ERC2: variants seen among roughly 807,000 people sequenced by gnomAD.
ERC2 encodes the protein ERC protein 2.
Under a neutral mutation model 114.8 loss-of-function variants are expected in ERC2, and 42 were observed. The ratio of observed to expected loss-of-function variants is 0.37; its 90% CI spans 0.29 to 0.47. ERC2 has a LOEUF of 0.47. ERC2 is among the 20% of genes least tolerant of loss of function. The pLI, the probability that ERC2 is intolerant of heterozygous loss-of-function variation, is 0.99. For missense variants in ERC2, 939 were observed against 1,150.7 expected, an observed-to-expected ratio of 0.82 and a Z score of 2.66; for synonymous variants, 454 against 425.5, an observed-to-expected ratio of 1.07 and a Z score of -0.82.
intron 17 of ERC2, among the ~76,000 whole-genome samples, chr3:55,559,792 A>G (rs2055878190): frequency 6.6e-6 from 1 of 152,254 alleles, no homozygotes; most frequent in South Asian, 2.1e-4. Context: ...CCTTTCTAGC[A>G]AGGGCTTGAC....
chr3:56,227,413 T>TA (rs1274369510), intron 3 of ERC2, among the ~76,000 whole-genome samples: 2 of 119,914 alleles, frequency 1.7e-5, no homozygotes, highest in Admixed American at 1.6e-4. Flanking sequence ...CTCTCTGCTC[T>TA]TTTTTTTTTT....
intron 17 of ERC2, among the ~76,000 whole-genome samples, chr3:55,563,346 T>C (rs973940586): frequency 1.4e-5 from 2 of 147,478 alleles, no homozygotes; most frequent in Non-Finnish European, 3.0e-5. Context: ...TTTTTTTTTT[T>C]ACTTCAAGGA....
intron 17 of ERC2, among the ~76,000 whole-genome samples, chr3:55,670,626 C>T (rs1431760390): frequency 6.6e-6 from 1 of 152,164 alleles, no homozygotes; most frequent in African/African-American, 2.4e-5. Context: ...AGAGCTTTCC[C>T]TCTCTGTGTC....
At chr3:55,870,022 GA>G (rs543605610) in intron 14 of ERC2, among the ~76,000 whole-genome samples, 129 of 151,976 alleles carry the variant, frequency 8.5e-4, no homozygotes, top group Non-Finnish European at 1.5e-3. Flanking sequence ...AAATGTAAAA[GA>G]ACCAAAGAAC....
At chr3:55,880,509 A>C (rs1398279824) in intron 14 of ERC2, among the ~76,000 whole-genome samples, 1 of 152,156 alleles carries the variant, frequency 6.6e-6, no homozygotes, top group Non-Finnish European at 1.5e-5. Context: ...CCTGCAGCTA[A>C]AACCAAAATT....
At chr3:55,959,137 C>T (rs77570986) in intron 12 of ERC2, among the ~76,000 whole-genome samples, 170 of 152,340 alleles carry the variant, frequency 1.1e-3, no homozygotes, top group African/African-American at 4.0e-3. Flanking sequence ...CCCCACTTCA[C>T]TCACCATTGA....
Position 55,551,244 on chromosome 3 carries a change from T to C in ERC2, c.*40-39968A>G, listed in dbSNP as rs1430449898. ...AGATTTATCTCAGGAAATTGGCTGC[T>C]GGGCACGGTGGCTCATGCCTGTAAT... On this transcript the variant is annotated intron_variant, in intron 17 of 17. Coordinates refer to ENST00000288221, the MANE Select transcript of ERC2 (RefSeq NM_015576.3). Among the ~76,000 whole-genome samples, 9 of 151,868 alleles carry C rather than the reference T, an allele frequency of 5.9e-5. No individual in the cohort carries two copies. In the East Asian group the frequency reaches 1.8e-3, roughly 30 times the overall value.
intron 15 of ERC2, among the ~76,000 whole-genome samples, chr3:55,729,886 C>A (rs187060795): frequency 7.7e-6 from 1 of 130,048 alleles, no homozygotes; most frequent in East Asian, 2.4e-4. Flanking sequence ...CACAAGGAAG[C>A]GGTCTTTATG....
intron 17 of ERC2, among the ~76,000 whole-genome samples, chr3:55,513,410 G>C (rs961453423): frequency 6.6e-6 from 1 of 152,070 alleles, no homozygotes; most frequent in Non-Finnish European, 1.5e-5. Context: ...TCTCACAAGC[G>C]TGTCTCTCTA....
chr3:56,063,712 A>G (rs754143670), intron 7 of ERC2, among the ~76,000 whole-genome samples: 1 of 152,218 alleles, frequency 6.6e-6, no homozygotes, highest in African/African-American at 2.4e-5. Flanking sequence ...TAATAAACTA[A>G]TTATACTGAA....
intron 17 of ERC2, among the ~76,000 whole-genome samples, chr3:55,543,230 A>G (rs1044507574): frequency 6.6e-6 from 1 of 152,180 alleles, no homozygotes; most frequent in African/African-American, 2.4e-5. Flanking sequence ...CAGCAGCAAA[A>G]GGCTGTCCAC....
chr3:55,914,019 A>AT lies in ERC2; in HGVS notation c.2404-25471dup, dbSNP rs5849115. Among the ~76,000 whole-genome samples the AT allele has an allele frequency of 1.1e-4, 17 of 151,002 alleles. 1 individual carries two copies. The South Asian group carries it at 1.9e-3, about 17-fold the overall frequency. Reference sequence around the variant, plus strand: ...AAAATATTCTTGCCCCTTTATGACAATTTTTTTTTTTTTAAAGATAACACA... The same window carrying AT: ...AAAATATTCTTGCCCCTTTATGACAATTTTTTTTTTTTTTAAAGATAACACA... On this transcript the variant is annotated intron_variant, in intron 13 of 17. Transcript: ENST00000288221.
At chr3:55,946,434 G>A (rs1308025154) in intron 13 of ERC2, among the ~76,000 whole-genome samples, 2 of 152,066 alleles carry the variant, frequency 1.3e-5, no homozygotes, top group African/African-American at 2.4e-5. Context: ...TTACTCATCA[G>A]TGTAAAATAG....
chr3:56,408,500 C>T lies in ERC2; in HGVS notation c.657+25851G>A, dbSNP rs987025056. On this transcript the variant is annotated intron_variant, in intron 2 of 17. Coordinates refer to ENST00000288221, the MANE Select transcript of ERC2 (RefSeq NM_015576.3). The stretch of plus-strand genomic sequence containing the variant: ...CACACACACACACCCCATATACGCT[C>T]ACATCCCCCTTCCCTGACACACACA... Among the ~76,000 whole-genome samples the T allele has an allele frequency of 2.0e-5, 3 of 152,080 alleles. 1 individual carries two copies. The highest frequency in any genetic ancestry group is 1.3e-4 in the Admixed American group (2 of 15,266).
At chr3:56,025,658 G>A (rs1001472527) in intron 7 of ERC2, among the ~76,000 whole-genome samples, 4 of 152,076 alleles carry the variant, frequency 2.6e-5, no homozygotes, top group Admixed American at 6.5e-5. Flanking sequence ...GATTTACTGC[G>A]CTCATGTGAT....
At chr3:56,093,958 G>A (rs1185706244) in intron 6 of ERC2, among the ~76,000 whole-genome samples, 3 of 152,156 alleles carry the variant, frequency 2.0e-5, no homozygotes, top group African/African-American at 7.2e-5. Flanking sequence ...GAGCAGACTT[G>A]GGAAACATTG....
intron 17 of ERC2, among the ~76,000 whole-genome samples, chr3:55,564,524 G>T (rs2056238744): frequency 6.6e-6 from 1 of 152,150 alleles, no homozygotes; most frequent in Admixed American, 6.5e-5. Flanking sequence ...CAGGATTCTT[G>T]TGACAGAGAC....
At chr3:55,835,601 C>G (rs2060838489) in intron 14 of ERC2, among the ~76,000 whole-genome samples, 1 of 152,086 alleles carries the variant, frequency 6.6e-6, no homozygotes, top group African/African-American at 2.4e-5. Flanking sequence ...TGGGATGTAT[C>G]TCAAAATAAT....
chr3:55,891,192 G>C (rs572740705), intron 13 of ERC2, among the ~76,000 whole-genome samples: 179 of 152,208 alleles, frequency 1.2e-3, no homozygotes, highest in African/African-American at 3.9e-3. Flanking sequence ...GTCATTTCCA[G>C]GTAGAAACAT....
Sources: allele counts gnomAD v4.1 joint callset (sites outside exome capture counted in the v4.1 genomes callset), GRCh38; gene constraint gnomAD v4.1.1; transcripts MANE v1.5; gene names NCBI Gene and HGNC (gene_info 2026-07-23, HGNC 2026-07-21).